The following OR1J2 variants were observed in gnomAD, a reference collection of about 807,000 sequenced individuals.
OR1J2 encodes olfactory receptor family 1 subfamily J member 2.
For missense variants in OR1J2, 304 were observed against 246.1 expected, an observed-to-expected ratio of 1.24 and a Z score of -1.57; for synonymous variants, 142 against 99.7, an observed-to-expected ratio of 1.42 and a Z score of -2.52.
At chr9:122,480,684 G>C in the OR1J2 span, among the ~76,000 whole-genome samples, 1 of 151,758 alleles carries the variant, frequency 6.6e-6, no homozygotes. Flanking sequence ...CAACATGCAG[G>C]TTTGTTACAT....
the OR1J2 span, among the ~76,000 whole-genome samples, chr9:122,461,544 G>A: frequency 6.6e-6 from 1 of 152,042 alleles, no homozygotes; most frequent in African/African-American, 2.4e-5. Context: ...ACTTTCTGAT[G>A]TAGGCATTTA....
upstream of OR1J2, among the ~76,000 whole-genome samples, chr9:122,510,597 G>A (rs1428756144): frequency 6.6e-6 from 1 of 151,884 alleles, no homozygotes; most frequent in Non-Finnish European, 1.5e-5. Context: ...TCATCCCATC[G>A]TCTAGGCATT....
the OR1J2 span, among the ~76,000 whole-genome samples, chr9:122,493,222 G>A: frequency 2.6e-5 from 4 of 152,262 alleles, no homozygotes; most frequent in African/African-American, 9.6e-5. Context: ...TTCACAGAAT[G>A]TGTTAGGAAG....
At chr9:122,539,289 G>T in the OR1J2 span, among the ~76,000 whole-genome samples, 1 of 151,632 alleles carries the variant, frequency 6.6e-6, no homozygotes, top group East Asian at 1.9e-4. Flanking sequence ...AACATGCCCT[G>T]GTGTGTGATG....
chr9:122,476,294 C>T, the OR1J2 span, among the ~76,000 whole-genome samples: 2 of 152,064 alleles, frequency 1.3e-5, no homozygotes, highest in Admixed American at 6.5e-5. Context: ...GGTGCCTGGG[C>T]GAAAGAGGAG....
At chr9:122,574,133 G>A in the OR1J2 span, among the ~76,000 whole-genome samples, 11 of 152,170 alleles carry the variant, frequency 7.2e-5, no homozygotes, top group African/African-American at 2.6e-4. Flanking sequence ...TTGAAGTCAG[G>A]TAGTGTCAGT....
chr9:122,474,489 A>G, the OR1J2 span, among the ~76,000 whole-genome samples: 6 of 152,320 alleles, frequency 3.9e-5, no homozygotes, highest in African/African-American at 9.6e-5. Context: ...ACCTGGCTAC[A>G]GGCTAGTTGA....
chr9:122,474,524 CATT>C, the OR1J2 span, among the ~76,000 whole-genome samples: 1 of 152,134 alleles, frequency 6.6e-6, no homozygotes. Flanking sequence ...AGAGAAAAAT[CATT>C]ATCAAAAGAG....
At chr9:122,449,148 T>C in the OR1J2 span, among the ~76,000 whole-genome samples, 1 of 151,998 alleles carries the variant, frequency 6.6e-6, no homozygotes, top group South Asian at 2.1e-4. Context: ...AGCTTTACAG[T>C]AGTACAAATG....
chr9:122,548,303 G>A, the OR1J2 span, among the ~76,000 whole-genome samples: 2 of 152,166 alleles, frequency 1.3e-5, no homozygotes, highest in African/African-American at 4.8e-5. Context: ...ATAAGGATTA[G>A]TCTAACAAGG....
At chr9:122,492,801 A>C in the OR1J2 span, among the ~76,000 whole-genome samples, 4 of 152,268 alleles carry the variant, frequency 2.6e-5, no homozygotes, top group African/African-American at 9.6e-5. Flanking sequence ...CTCAGGGGGA[A>C]TGCTTTCAAC....
At chr9:122,501,702 A>G in the OR1J2 span, among the ~76,000 whole-genome samples, 2 of 152,188 alleles carry the variant, frequency 1.3e-5, no homozygotes, top group Non-Finnish European at 2.9e-5. Flanking sequence ...ATGAAAGAAC[A>G]TTGTTTCCTG....
the OR1J2 span, among the ~76,000 whole-genome samples, chr9:122,561,076 T>C: frequency 6.6e-6 from 1 of 152,224 alleles, no homozygotes; most frequent in Non-Finnish European, 1.5e-5. Flanking sequence ...TTCAGCATGA[T>C]GGTCTTCAAA....
chr9:122,477,362 A>C, the OR1J2 span: 1 of 1,614,134 alleles, frequency 6.2e-7, no homozygotes, highest in Middle Eastern at 1.6e-4. Context: ...GTGTCTGAGC[A>C]GGACAACTTG....
At chr9:122,510,752 G>A (rs1828615379), upstream of OR1J2, 2 of 1,027,364 alleles carry the variant, frequency 1.9e-6, no homozygotes, top group Middle Eastern at 2.2e-4. Context: ...TAATTTCAGA[G>A]CCTCTAATAT....
At chr9:122,450,863 C>G in the OR1J2 span, among the ~76,000 whole-genome samples, 1 of 152,062 alleles carries the variant, frequency 6.6e-6, no homozygotes, top group African/African-American at 2.4e-5. Context: ...CTTTTCTGTG[C>G]CTGGCTTATT....
chr9:122,553,434 T>C, the OR1J2 span: 2 of 1,614,060 alleles, frequency 1.2e-6, no homozygotes, highest in African/African-American at 2.7e-5. Context: ...AACTGATGCC[T>C]GTTTCACTTC....
the OR1J2 span, among the ~76,000 whole-genome samples, chr9:122,569,124 TAG>T: frequency 1.3e-5 from 2 of 151,986 alleles, no homozygotes; most frequent in Non-Finnish European, 2.9e-5. Flanking sequence ...ACGCAGTCAA[TAG>T]AGTGATTTTT....
chr9:122,458,791 G>A, the OR1J2 span, among the ~76,000 whole-genome samples: 1 of 151,996 alleles, frequency 6.6e-6, no homozygotes, highest in Admixed American at 6.6e-5. Flanking sequence ...GTCAGTTTTT[G>A]GAAAACTGTC....
Sources: gnomAD v4.1 joint callset for allele counts (sites outside exome capture counted in the v4.1 genomes callset) on GRCh38, gnomAD v4.1.1 for gene constraint, MANE v1.5 for transcripts, NCBI Gene and HGNC (gene_info 2026-07-23, HGNC 2026-07-21) for gene names.